Variants in PSAP observed in about 807,000 individuals in gnomAD.
The protein encoded by PSAP is prosaposin, also known as precursor of saposins.
In PSAP, 25 loss-of-function variants were observed where a neutral mutation model predicts 66.0. The ratio of observed to expected loss-of-function variants is 0.38; its 90% CI spans 0.28 to 0.53. PSAP has a LOEUF of 0.53. Ranked by LOEUF, PSAP falls within the 20% of genes least tolerant of loss-of-function variation. The pLI, the probability that PSAP is intolerant of heterozygous loss-of-function variation, is 0.83. For missense variants in PSAP, 649 were observed against 668.8 expected, an observed-to-expected ratio of 0.97 and a Z score of 0.33; for synonymous variants, 273 against 258.9, an observed-to-expected ratio of 1.05 and a Z score of -0.52.
At chr10:71,822,699 A>T in intron 7 of PSAP, 1 of 467,716 alleles carries the variant, frequency 2.1e-6, no homozygotes, top group Non-Finnish European at 4.4e-6. Flanking sequence ...ACAAGTGTAT[A>T]GACTCTGTAT....
rs1365266690 is a variant in PSAP, at chr10:71,828,014, T to C, written c.720A>G (p.Ile240Met). The C allele has an allele frequency of 1.7e-5, 27 of 1,614,040 alleles. No individual in the cohort carries two copies. Among genetic ancestry groups the C allele is most frequent in the Admixed American group, 3.3e-5 (2 of 60,006 alleles). ...CDRLGPGMAD[I>M]CKNYISQYSE... Reference sequence around the variant, plus strand: ...CAATGCACAAGGACACAAGGCTCACTATGTCGGCCATGCCAGGGCCCAGGC... The same window carrying C: ...CAATGCACAAGGACACAAGGCTCACCATGTCGGCCATGCCAGGGCCCAGGC... The change falls in exon 6 of 14, where the codon ATA (isoleucine) becomes ATG (methionine). Residue 240 changes from isoleucine (I) to methionine (M), a missense_variant and splice_region_variant. Coordinates refer to ENST00000394936, the MANE Select transcript of PSAP (RefSeq NM_002778.4).
At position 71,819,456 on chromosome 10, in the gene PSAP, G is replaced by C; in HGVS notation, c.1350+9C>G. On this transcript the variant is annotated intron_variant, in intron 11 of 13. Transcript: ENST00000394936. Reference sequence around the variant, plus strand: ...ATGCTGGCCTACCGCAGCCCAGCCCGGGGCGTACCTGCTTCTGGTAAGGGT... The same window carrying C: ...ATGCTGGCCTACCGCAGCCCAGCCCCGGGCGTACCTGCTTCTGGTAAGGGT... 2 of 1,613,920 alleles carry C rather than the reference G, an allele frequency of 1.2e-6. No individual in the cohort carries two copies. The highest frequency in any genetic ancestry group is 2.2e-5 in the South Asian group (2 of 91,078).
Position 71,819,066 on chromosome 10 carries a change from G to C in PSAP, c.1396C>G (p.Leu466Val). The stretch of plus-strand genomic sequence containing the variant: ...AAGGAAGGATCCATCACCTCCACCA[G>C]GATCTCGATCAGCACGGGCTCGTAC... ...AEYEPVLIEI[L>V]VEVMDPSFVC... The change falls in exon 12 of 14, where the codon CTG becomes GTG. Residue 466 changes from leucine (L) to valine (V), a missense_variant. Transcript: ENST00000394936. The C allele has an allele frequency of 6.2e-7, 1 of 1,614,194 alleles. No individual in the cohort carries two copies. Among genetic ancestry groups the C allele is most frequent in the East Asian group, 2.2e-5 (1 of 44,890 alleles).
intron 7 of PSAP, among the ~76,000 whole-genome samples, chr10:71,824,970 T>G (rs570237995): frequency 2.0e-5 from 3 of 152,316 alleles, no homozygotes; most frequent in African/African-American, 7.2e-5. Flanking sequence ...AAACTACTCC[T>G]CCTCAGCTTG....
At chr10:71,819,307 G>T in intron 11 of PSAP, 158 bp downstream of exon 11, 1 of 1,192,976 alleles carries the variant, frequency 8.4e-7, no homozygotes, top group Non-Finnish European at 1.2e-6. Context: ...TCCCCCAGTG[G>T]CTCATCTTAA....
At position 71,851,244 on chromosome 10, in the gene PSAP, T is replaced by C. The variant is rs1191567165; in HGVS notation, c.-23A>G. ...CATAGCGCCGTCTGACTCCGCAGTC[T>C]GCAATGCGGAGCGTCAGCTGATCCC... On this transcript the variant is annotated 5_prime_UTR_variant, in exon 1 of 14. Coordinates refer to ENST00000394936, the MANE Select transcript of PSAP (RefSeq NM_002778.4). 2.6e-6 allele frequency: 4 copies of C among 1,549,886 alleles called. No homozygotes were observed. Among genetic ancestry groups the C allele is most frequent in the Admixed American group, 2.0e-5 (1 of 51,014 alleles).
intron 1 of PSAP, among the ~76,000 whole-genome samples, chr10:71,846,553 T>C (rs980507331): frequency 6.0e-5 from 9 of 151,160 alleles, no homozygotes; most frequent in African/African-American, 1.9e-4. Flanking sequence ...GGCAAAACCC[T>C]TTCTCTACTA....
At position 71,825,903 on chromosome 10, in the gene PSAP, G is replaced by C; in HGVS notation, c.721-10C>G. ...TGATATAGTTCTTGCACTGAGGAGA[G>C]AGAAACAGATTGCTAAACAAATCAC... On this transcript the variant is annotated splice_polypyrimidine_tract_variant and intron_variant, in intron 6 of 13. Coordinates refer to ENST00000394936, the MANE Select transcript of PSAP (RefSeq NM_002778.4). 6.2e-7 allele frequency: 1 copy of C among 1,611,336 alleles called. No individual in the cohort carries two copies. Among genetic ancestry groups the C allele is most frequent in the Non-Finnish European group, 8.5e-7 (1 of 1,177,500 alleles).
Position 71,820,447 on chromosome 10 carries a change from G to C in PSAP, c.910-112C>G. 3 of 826,840 alleles carry C rather than the reference G, an allele frequency of 3.6e-6. No individual in the cohort carries two copies. The South Asian group carries it at 4.1e-5, about 11-fold the overall frequency. The allele number at this position is 826,840 out of a possible 1,614,324, so 51.2% of individuals were successfully genotyped here. A position where few individuals can be genotyped will look rare whatever the true frequency, so the allele number is the denominator to read the frequency against. ...ACCAGGGTGGGTTAGCACATCAAGG[G>C]CCACTGCCTCCTGAATTCCAAATGG... On this transcript the variant is annotated intron_variant, in intron 8 of 13. Transcript: ENST00000394936.
rs772254365 is a variant in PSAP, at chr10:71,828,019, C to G, written c.715G>C (p.Asp239His). 2 of 1,614,170 alleles carry G rather than the reference C, an allele frequency of 1.2e-6. No homozygotes were observed. The highest frequency in any genetic ancestry group is 2.2e-5 in the South Asian group (2 of 91,086). Reference protein sequence around the residue: ...ECDRLGPGMADICKNYISQYS... With the variant: ...ECDRLGPGMAHICKNYISQYS... ...CACAAGGACACAAGGCTCACTATGT[C>G]GGCCATGCCAGGGCCCAGGCGGTCA... The change falls in exon 6 of 14, where the codon GAC (aspartate) becomes CAC (histidine). Residue 239 changes from aspartate (D) to histidine (H), a missense_variant. Transcript: ENST00000394936.
At chr10:71,829,137 C>T (rs1414304684) in intron 4 of PSAP, 60 bp from the exon 5 acceptor site, 1 of 1,466,606 alleles carries the variant, frequency 6.8e-7, no homozygotes, top group Non-Finnish European at 9.5e-7. Flanking sequence ...ATAAGACAGG[C>T]CATCTAGTGC....
chr10:71,818,742 G>T lies in PSAP; in HGVS notation c.1432-18C>A. ...CCAATTTTCTATATGGTGAGAAAAG[G>T]AAAGAAGAAAGGGGGAGAATGAGAG... On this transcript the variant is annotated intron_variant, in intron 12 of 13. Coordinates refer to ENST00000394936, the MANE Select transcript of PSAP (RefSeq NM_002778.4). 4 of 1,593,110 alleles carry T rather than the reference G, an allele frequency of 2.5e-6. No homozygotes were observed. The highest frequency in any genetic ancestry group is 3.4e-6 in the Non-Finnish European group (4 of 1,161,032).
At chr10:71,832,327 C>A (rs999987718) in intron 2 of PSAP, among the ~76,000 whole-genome samples, 1 of 152,140 alleles carries the variant, frequency 6.6e-6, no homozygotes, top group Non-Finnish European at 1.5e-5. Flanking sequence ...CACACTGAAC[C>A]GTTCACCTGC....
chr10:71,843,107 G>C (rs1364385000), intron 1 of PSAP, among the ~76,000 whole-genome samples: 1 of 152,146 alleles, frequency 6.6e-6, no homozygotes, highest in East Asian at 1.9e-4. Flanking sequence ...AGGTGGGGTG[G>C]GGCAGCTATT....
intron 1 of PSAP, among the ~76,000 whole-genome samples, chr10:71,849,013 A>T (rs1304733227): frequency 6.6e-6 from 1 of 152,186 alleles, no homozygotes; most frequent in Non-Finnish European, 1.5e-5. Context: ...CCGAGACACG[A>T]TTGAGTCCCT....
chr10:71,823,623 G>A (rs538810263), intron 7 of PSAP, among the ~76,000 whole-genome samples: 5 of 152,164 alleles, frequency 3.3e-5, no homozygotes, highest in African/African-American at 9.7e-5. Flanking sequence ...TATGCTGTAT[G>A]TGGACTGTGA....
At chr10:71,823,753 C>A (rs1842348016) in intron 7 of PSAP, 1 of 595,288 alleles carries the variant, frequency 1.7e-6, no homozygotes, top group Non-Finnish European at 2.6e-6. Context: ...AGCCTATTAA[C>A]AGAGAGGGAG....
At chr10:71,828,850 T>G (rs1289666100) in intron 5 of PSAP, 27 bp downstream of exon 5, 4 of 1,613,006 alleles carry the variant, frequency 2.5e-6, no homozygotes, top group Non-Finnish European at 3.4e-6. Flanking sequence ...CAAAAATGGG[T>G]CCTCAGTGGC....
At chr10:71,819,140 A>G in intron 11 of PSAP, 29 bp from the exon 12 acceptor site, 1 of 1,593,642 alleles carries the variant, frequency 6.3e-7, no homozygotes. Flanking sequence ...ACACAGGTCC[A>G]GCTCTGGGGG....
Sources: allele counts gnomAD v4.1 joint callset (sites outside exome capture counted in the v4.1 genomes callset), GRCh38; gene constraint gnomAD v4.1.1; transcripts MANE v1.5; gene names NCBI Gene and HGNC (gene_info 2026-07-23, HGNC 2026-07-21).